CA9: variants seen among roughly 807,000 people sequenced by gnomAD.
CA9 encodes carbonic anhydrase 9, also known as CA-IX.
CA9 carries 43 observed loss-of-function variants against 51.8 expected under a neutral mutation model. The observed-to-expected ratio is 0.83, with a 90% CI of 0.65 to 1.07. CA9 has a LOEUF of 1.07. Among genes scored for constraint, CA9 ranks in the 50% least tolerant of loss-of-function variants. The pLI is 0.00. For synonymous variants in CA9, 253 were observed against 244.2 expected (o/e 1.04, Z -0.34); for missense variants, 574 against 581.4 (o/e 0.99, Z 0.13).
intron 9 of CA9, among the ~76,000 whole-genome samples, chr9:35,680,370 C>A (rs544174737): frequency 2.0e-5 from 3 of 152,040 alleles, no homozygotes; most frequent in Non-Finnish European, 4.4e-5. Context: ...ACAATCCCCC[C>A]CCTTTTTTTA....
At chr9:35,677,377 C>T (rs1422434444) in intron 5 of CA9, among the ~76,000 whole-genome samples, 2 of 152,172 alleles carry the variant, frequency 1.3e-5, no homozygotes, top group African/African-American at 2.4e-5. Context: ...GTGACACCAA[C>T]ACAAAGGTGT....
In CA9 at chr9:35,679,925, G is replaced by C. The variant is rs765132128; in HGVS notation, c.1137G>C (p.Gln379His). 3.1e-6 allele frequency: 5 copies of C among 1,614,036 alleles called. No individual in the cohort carries two copies. The highest frequency in any genetic ancestry group is 3.4e-6 in the Non-Finnish European group (4 of 1,179,972). ...TACAGCTGAACTTCCGAGCGACGCA[G>C]CCTTTGAATGGGCGAGTGATTGAGG... Reference protein sequence around the residue: ...SRLQLNFRATQPLNGRVIEAS... With the variant: ...SRLQLNFRATHPLNGRVIEAS... The change falls in exon 8 of 11, where the codon CAG becomes CAC. Residue 379 changes from glutamine to histidine, a missense_variant. Physicochemically the swap from Gln to His is conservative, Grantham distance 24 (BLOSUM62 0). Coordinates refer to ENST00000378357, the MANE Select transcript of CA9 (RefSeq NM_001216.3).
chr9:35,675,677 TC>T, intron 2 of CA9, 83 bp from the exon 3 acceptor site: 6 of 930,702 alleles, frequency 6.4e-6, no homozygotes, highest in Non-Finnish European at 3.2e-6. Context: ...CCGCCCACCG[TC>T]CCACCCCCTC....
chr9:35,680,215 C>T (rs982761174), intron 9 of CA9, 76 bp downstream of exon 9: 25 of 1,537,998 alleles, frequency 1.6e-5, no homozygotes, highest in African/African-American at 9.5e-5. Context: ...TGCTCAGGAC[C>T]GCCTCTGCTC....
intron 10 of CA9, 56 bp from the exon 11 acceptor site, chr9:35,680,909 A>T: frequency 6.2e-7 from 1 of 1,610,028 alleles, no homozygotes; most frequent in Non-Finnish European, 8.5e-7. Context: ...AGCGCATGCA[A>T]ATGAGCTGCT....
rs774190884 is a variant in CA9, at chr9:35,674,096, A to G, written c.137A>G (p.Asp46Gly). The G allele has an allele frequency of 6.2e-7, 1 of 1,614,144 alleles. No homozygotes were observed. The highest frequency in any genetic ancestry group is 1.1e-5 in the South Asian group (1 of 91,074). ...CAGAGGTTGCCCCGGATGCAGGAGG[A>G]TTCCCCCTTGGGAGGAGGCTCTTCT... ...HPQRLPRMQE[D>G]SPLGGGSSGE... The change falls in exon 1 of 11, where the codon GAT becomes GGT. Residue 46 changes from aspartate to glycine, a missense_variant. Transcript: ENST00000378357.
At chr9:35,680,414 G>A (rs1824520262) in intron 9 of CA9, among the ~76,000 whole-genome samples, 1 of 152,128 alleles carries the variant, frequency 6.6e-6, no homozygotes, top group Non-Finnish European at 1.5e-5. Context: ...CCAGGCTGGG[G>A]TGTTGTGGCA....
chr9:35,676,164 G>T lies in CA9; in HGVS notation c.705G>T (p.Pro235=). 1.2e-6 allele frequency: 2 copies of T among 1,612,500 alleles called. No individual in the cohort carries two copies. The highest frequency in any genetic ancestry group is 8.5e-7 in the Non-Finnish European group (1 of 1,179,298). Residue 235 remains proline (P), a synonymous_variant, in exon 4 of 11, where the codon CCG becomes CCT. Transcript: ENST00000378357. The part of the protein sequence containing the change: ...LHLHWGAAGR[P]GSEHTVEGHR... Reference sequence around the variant, plus strand: ...TGCACTGGGGGGCTGCAGGTCGTCCGGGCTCGGAGCACACTGTGGAAGGCC... The same window carrying T: ...TGCACTGGGGGGCTGCAGGTCGTCCTGGCTCGGAGCACACTGTGGAAGGCC...
chr9:35,675,742 C>T lies in CA9; in HGVS notation c.434-19C>T, dbSNP rs764623746. 30 of 1,598,696 alleles carry T rather than the reference C, an allele frequency of 1.9e-5. No homozygotes were observed. Among genetic ancestry groups the T allele is most frequent in the Admixed American group, 1.5e-4 (9 of 59,102 alleles). ...CTGACCTAGGCGTCAGACTTCCTCA[C>T]TATACTCTCCCACCCCAGGCGACCC... is the stretch of plus-strand genomic sequence containing the variant. On this transcript the variant is annotated intron_variant, in intron 2 of 10. Transcript: ENST00000378357.
At chr9:35,675,325 G>A (rs890203229) in intron 1 of CA9, 1 of 619,484 alleles carries the variant, frequency 1.6e-6, no homozygotes, top group Non-Finnish European at 2.9e-6. Context: ...CAGACCCTAA[G>A]ACAATGATTG....
intron 6 of CA9, among the ~76,000 whole-genome samples, chr9:35,678,695 C>CTTTT (rs746454806): frequency 0.025 from 3,213 of 129,176 alleles, 57 homozygotes; most frequent in African/African-American, 0.041. Flanking sequence ...TTTTTCTTTT[C>CTTTT]TTTTCTTTTT....
intron 5 of CA9, 85 bp downstream of exon 5, chr9:35,676,474 C>A: frequency 9.0e-7 from 1 of 1,105,242 alleles, no homozygotes; most frequent in Non-Finnish European, 1.3e-6. Flanking sequence ...AGACCCCATC[C>A]CAGCAAGCTC....
At chr9:35,678,700 C>CTT (rs71800585) in intron 6 of CA9, among the ~76,000 whole-genome samples, 4 of 131,966 alleles carry the variant, frequency 3.0e-5, no homozygotes, top group Admixed American at 7.8e-5. Flanking sequence ...CTTTTCTTTT[C>CTT]TTTTTTTTTT....
intron 1 of CA9, chr9:35,674,862 C>A (rs1824386168): frequency 6.3e-6 from 1 of 158,534 alleles, no homozygotes; most frequent in South Asian, 1.9e-4. Context: ...GACTCCCAAG[C>A]CAGGAATTTG....
At chr9:35,678,772 G>T (rs1440259181) in intron 6 of CA9, among the ~76,000 whole-genome samples, 1 of 143,974 alleles carries the variant, frequency 6.9e-6, no homozygotes, top group Non-Finnish European at 1.5e-5. Flanking sequence ...TCAAACTCCT[G>T]ACCTTGTGAT....
At position 35,675,864 on chromosome 9, in the gene CA9, C is replaced by T. The variant is rs1247259944; in HGVS notation, c.537C>T (p.Pro179=). Residue 179 remains proline (P), a synonymous_variant, in exon 3 of 11, where the codon CCC becomes CCT. Coordinates refer to ENST00000378357, the MANE Select transcript of CA9 (RefSeq NM_001216.3). ...QLAAFCPALR[P]LELLGFQLPP... The stretch of plus-strand genomic sequence containing the variant: ...CCGCCTTCTGCCCGGCCCTGCGCCC[C>T]CTGGAACTCCTGGGCTTCCAGCTCC... 6.2e-7 allele frequency: 1 copy of T among 1,606,160 alleles called. No individual in the cohort carries two copies. Among genetic ancestry groups the T allele is most frequent in the African/African-American group, 1.3e-5 (1 of 75,034 alleles).
rs1445803107 is a variant in CA9 at position 35,680,981 on chromosome 9, G to A, written c.1336G>A (p.Gly446Ser). 1.9e-6 allele frequency: 3 copies of A among 1,614,072 alleles called. No individual in the cohort carries two copies. The highest frequency in any genetic ancestry group is 1.7e-6 in the Non-Finnish European group (2 of 1,180,010). The change falls in exon 11 of 11, where the codon GGT becomes AGT. Residue 446 changes from glycine to serine, a missense_variant. Physicochemically the swap from Gly to Ser is moderately conservative, Grantham distance 56. Transcript: ENST00000378357. ...RRQHRRGTKG[G>S]VSYRPAEVAE... ...TACACACAGAAGGGGAACCAAAGGG[G>A]GTGTGAGCTACCGCCCAGCAGAGGT...
rs151268469 is a variant in CA9 at position 35,680,813 on chromosome 9, T to C, written c.1298T>C (p.Val433Ala). The change falls in exon 10 of 11, where the codon GTG becomes GCG. Residue 433 changes from valine (V) to alanine (A), a missense_variant. Physicochemically the swap from Val to Ala is moderately conservative, Grantham distance 64 (BLOSUM62 0). Coordinates refer to ENST00000378357, the MANE Select transcript of CA9 (RefSeq NM_001216.3). ...GCTGTCACCAGCGTCGCGTTCCTTGTGCAGATGAGAAGGCAGCACAGGTAT... is the reference window on the plus strand; with the variant it reads ...GCTGTCACCAGCGTCGCGTTCCTTGCGCAGATGAGAAGGCAGCACAGGTAT... ...LFAVTSVAFL[V>A]QMRRQHRRGT... The C allele has an allele frequency of 1.4e-5, 23 of 1,614,120 alleles. No homozygotes were observed. Among genetic ancestry groups the C allele is most frequent in the Admixed American group, 8.3e-5 (5 of 60,010 alleles).
At chr9:35,680,165 T>C (rs1448937975) in intron 9 of CA9, 26 bp downstream of exon 9, 3 of 1,613,900 alleles carry the variant, frequency 1.9e-6, no homozygotes, top group Non-Finnish European at 1.7e-6. Flanking sequence ...CTCTTGGTCC[T>C]GATGCCAGGA....
Sources: allele counts gnomAD v4.1 joint callset (sites outside exome capture counted in the v4.1 genomes callset), GRCh38; gene constraint gnomAD v4.1.1; transcripts MANE v1.5; gene names NCBI Gene and HGNC (gene_info 2026-07-23, HGNC 2026-07-21).